BAG4: variants seen among roughly 807,000 people sequenced by gnomAD.
BAG4 encodes the protein BAG cochaperone 4, also known as BAG family molecular chaperone regulator 4.
In BAG4, 28 loss-of-function variants were observed where a neutral mutation model predicts 52.1. That is an observed-to-expected ratio of 0.54 (90% CI 0.40 to 0.74). The LOEUF is 0.74. BAG4 is among the 30% of genes least tolerant of loss of function. The probability of loss-of-function intolerance (pLI) is 0.00; values close to 1 mark genes in which losing one functional copy is unlikely to be tolerated. For missense variants in BAG4, 525 were observed against 572.0 expected, an observed-to-expected ratio of 0.92 and a Z score of 0.84; for synonymous variants, 208 against 217.0, an observed-to-expected ratio of 0.96 and a Z score of 0.37.
At chr8:38,203,089 A>C (rs370468606) in intron 2 of BAG4, 1 of 152,186 alleles carries the variant, frequency 6.6e-6, no homozygotes, top group African/African-American at 2.4e-5. Context: ...ATAGATAATC[A>C]TCCCCTACAT....
intron 2 of BAG4, among the ~76,000 whole-genome samples, chr8:38,196,819 G>A (rs559255847): frequency 6.6e-6 from 1 of 152,170 alleles, no homozygotes; most frequent in Non-Finnish European, 1.5e-5. Flanking sequence ...GCTCACACCT[G>A]TAATCCCAGC....
chr8:38,185,179 G>T (rs1245745701), intron 1 of BAG4, among the ~76,000 whole-genome samples: 2 of 152,026 alleles, frequency 1.3e-5, no homozygotes, highest in Non-Finnish European at 2.9e-5. Context: ...ACAGTTGGGT[G>T]CCTGGCATAT....
Position 38,191,104 on chromosome 8 carries a change from A to G in BAG4, c.271-1584A>G, listed in dbSNP as rs116983547. On this transcript the variant is annotated intron_variant, in intron 1 of 4. Coordinates refer to ENST00000287322, the MANE Select transcript of BAG4 (RefSeq NM_004874.4). ...AAGATAAAATACAGTTTGAATTCAT[A>G]CTGATATTTACAATTCAAATTAAGG... Among the ~76,000 whole-genome samples, 141 of 152,304 alleles carry G rather than the reference A, an allele frequency of 9.3e-4. 1 individual carries two copies. In the East Asian group the frequency reaches 0.024, roughly 26 times the overall value.
chr8:38,192,221 G>A (rs942805194), intron 1 of BAG4, among the ~76,000 whole-genome samples: 2 of 152,186 alleles, frequency 1.3e-5, no homozygotes, highest in African/African-American at 4.8e-5. Flanking sequence ...TAGTCTTGAG[G>A]ATTAGTTATT....
intron 1 of BAG4, among the ~76,000 whole-genome samples, chr8:38,182,885 T>C (rs1169272472): frequency 6.6e-6 from 1 of 152,138 alleles, no homozygotes; most frequent in African/African-American, 2.4e-5. Context: ...TTGAGGACAT[T>C]CTTTTTTTCA....
At chr8:38,205,202 ATTT>A (rs35284937) in intron 2 of BAG4, among the ~76,000 whole-genome samples, 2 of 79,240 alleles carry the variant, frequency 2.5e-5, no homozygotes, top group South Asian at 5.7e-4. Context: ...CAGCTAATTA[ATTT>A]TTTTTTTTTT....
intron 2 of BAG4, among the ~76,000 whole-genome samples, chr8:38,201,246 T>C (rs1803657658): frequency 2.0e-5 from 3 of 152,192 alleles, no homozygotes; most frequent in African/African-American, 4.8e-5. Context: ...ATACACCTTT[T>C]TGAGGTGAGC....
At chr8:38,204,652 A>G (rs910795919) in intron 2 of BAG4, among the ~76,000 whole-genome samples, 5 of 152,062 alleles carry the variant, frequency 3.3e-5, no homozygotes, top group Non-Finnish European at 5.9e-5. Context: ...CAACAACGAA[A>G]AAAAAAACAA....
In BAG4 at chr8:38,209,225, C is replaced by A; in HGVS notation, c.846C>A (p.Gly282=). 6.2e-7 allele frequency: 1 copy of A among 1,614,188 alleles called. No individual in the cohort carries two copies. The highest frequency in any genetic ancestry group is 8.5e-7 in the Non-Finnish European group (1 of 1,180,044). ...TESTSPWPSS[G]SPQSPPSPPV... ...GTACTTCACCATGGCCTAGCAGTGG[C>A]TCTCCCCAGTCACCCCCTTCACCCC... The change falls in exon 4 of 5, where the codon GGC becomes GGA. Residue 282 remains glycine (G), a synonymous_variant. Transcript: ENST00000287322.
intron 2 of BAG4, among the ~76,000 whole-genome samples, chr8:38,195,433 T>C (rs1803547887): frequency 6.6e-6 from 1 of 152,170 alleles, no homozygotes; most frequent in East Asian, 1.9e-4. Context: ...GGACTAAAAG[T>C]GTACATCACC....
chr8:38,200,009 CT>C (rs58025410), intron 2 of BAG4, among the ~76,000 whole-genome samples: 31,498 of 140,996 alleles, frequency 0.22, 3,396 homozygotes, highest in East Asian at 0.3. Context: ...TTGGTACCCC[CT>C]TTTTTTTTTT....
intron 1 of BAG4, among the ~76,000 whole-genome samples, chr8:38,187,954 A>G (rs1281694206): frequency 3.2e-4 from 47 of 147,378 alleles, no homozygotes; most frequent in Non-Finnish European, 5.2e-4. Context: ...GGAGAATGGC[A>G]TGAACCCGGG....
chr8:38,178,614 A>G (rs1443387053), intron 1 of BAG4, among the ~76,000 whole-genome samples: 1 of 152,266 alleles, frequency 6.6e-6, no homozygotes, highest in African/African-American at 2.4e-5. Flanking sequence ...ATGGAGTATT[A>G]TTTGGCCTTA....
chr8:38,181,260 G>A (rs1406588524), intron 1 of BAG4, among the ~76,000 whole-genome samples: 2 of 141,666 alleles, frequency 1.4e-5, no homozygotes, highest in African/African-American at 5.3e-5. Flanking sequence ...TTGAGACGGA[G>A]TTTTGCTCTT....
Position 38,207,354 on chromosome 8 carries a change from G to C in BAG4, c.379-158G>C, listed in dbSNP as rs1015145637. On this transcript the variant is annotated intron_variant, in intron 2 of 4. Coordinates refer to ENST00000287322, the MANE Select transcript of BAG4 (RefSeq NM_004874.4). Reference sequence around the variant, plus strand: ...TGACCTCAAATGATTCTCCCACCTTGGGCTCCCAAAGTGCTGGGATTACAG... The same window carrying C: ...TGACCTCAAATGATTCTCCCACCTTCGGCTCCCAAAGTGCTGGGATTACAG... 1.8e-4 allele frequency among the ~76,000 whole-genome samples: 28 copies of C among 151,842 alleles called. 2 individuals carry two copies. Among genetic ancestry groups the C allele is most frequent in the Admixed American group, 1.8e-3 (28 of 15,208 alleles).
At chr8:38,178,990 C>T (rs202004209) in intron 1 of BAG4, among the ~76,000 whole-genome samples, 3 of 116,084 alleles carry the variant, frequency 2.6e-5, no homozygotes. Flanking sequence ...AAATAAAAAA[C>T]AAAAAATAAG....
intron 2 of BAG4, among the ~76,000 whole-genome samples, chr8:38,205,194 G>A (rs900195515): frequency 7.2e-6 from 1 of 139,850 alleles, no homozygotes; most frequent in Non-Finnish European, 1.5e-5. Flanking sequence ...ACCACGCCCA[G>A]CTAATTAATT....
intron 2 of BAG4, among the ~76,000 whole-genome samples, chr8:38,193,503 T>A (rs1318105043): frequency 1.3e-5 from 2 of 152,198 alleles, no homozygotes; most frequent in African/African-American, 4.8e-5. Context: ...TTCAGATTTT[T>A]AAGAAAGAAG....
chr8:38,196,589 T>G (rs1384586416), intron 2 of BAG4, among the ~76,000 whole-genome samples: 1 of 149,564 alleles, frequency 6.7e-6, no homozygotes, highest in African/African-American at 2.5e-5. Flanking sequence ...GGAGGCAGCT[T>G]GCAGTGAGCT....
Sources: gnomAD v4.1 joint callset for allele counts (sites outside exome capture counted in the v4.1 genomes callset) on GRCh38, gnomAD v4.1.1 for gene constraint, MANE v1.5 for transcripts, NCBI Gene and HGNC (gene_info 2026-07-23, HGNC 2026-07-21) for gene names.